Variants in UBA6 observed in about 807,000 individuals in gnomAD.
UBA6 encodes the protein ubiquitin like modifier activating enzyme 6.
Under a neutral mutation model 148.3 loss-of-function variants are expected in UBA6, and 87 were observed. The ratio of observed to expected loss-of-function variants is 0.59; its 90% CI spans 0.49 to 0.70. The LOEUF (loss-of-function observed/expected upper bound fraction) is 0.70. UBA6 is among the 30% of genes least tolerant of loss of function. UBA6 has a pLI of 0.00. For missense variants in UBA6, 1,186 were observed against 1,241.2 expected (o/e 0.96, Z 0.67); for synonymous variants, 376 against 401.0 (o/e 0.94, Z 0.75).
chr4:67,654,226 A>G (rs886467106), intron 13 of UBA6, among the ~76,000 whole-genome samples: 3 of 152,180 alleles, frequency 2.0e-5, no homozygotes, highest in African/African-American at 7.2e-5. Flanking sequence ...ACCCCAAGAC[A>G]CATAATTGTC....
intron 23 of UBA6, 99 bp from the exon 24 acceptor site, chr4:67,632,007 CAT>C (rs563883923): frequency 7.9e-4 from 892 of 1,127,662 alleles, no homozygotes; most frequent in African/African-American, 1.7e-3. Flanking sequence ...AATATATGCA[CAT>C]GATTCAAAAA....
In UBA6 at chr4:67,637,802, G is replaced by A. The variant is rs1039873552; in HGVS notation, c.1736+1141C>T. Among the ~76,000 whole-genome samples, 5 of 152,142 alleles carry A rather than the reference G, an allele frequency of 3.3e-5. No individual in the cohort carries two copies. In the South Asian group the frequency reaches 6.2e-4, roughly 19 times the overall value. Reference sequence around the variant, plus strand: ...AAGTACCCAGGGACACAAACACTGCGGTAGGCCACAGGGTCCTCTGCCTAG... The same window carrying A: ...AAGTACCCAGGGACACAAACACTGCAGTAGGCCACAGGGTCCTCTGCCTAG... On this transcript the variant is annotated intron_variant, in intron 19 of 32. Transcript: ENST00000322244.
At chr4:67,685,591 G>A (rs796918009) in intron 2 of UBA6, among the ~76,000 whole-genome samples, 16 of 152,286 alleles carry the variant, frequency 1.1e-4, no homozygotes, top group African/African-American at 3.6e-4. Context: ...CACTTTGAAT[G>A]TGTTTCCCGG....
intron 13 of UBA6, among the ~76,000 whole-genome samples, chr4:67,661,131 T>C (rs1729841133): frequency 1.3e-5 from 2 of 152,178 alleles, no homozygotes; most frequent in Admixed American, 1.3e-4. Context: ...GGACTTGCCT[T>C]GCTCAGATAA....
intron 2 of UBA6, among the ~76,000 whole-genome samples, chr4:67,694,737 G>A (rs896916140): frequency 6.6e-6 from 1 of 152,182 alleles, no homozygotes; most frequent in African/African-American, 2.4e-5. Context: ...TATGTAGTCA[G>A]TAACTCTTTT....
intron 15 of UBA6, 104 bp from the exon 16 acceptor site, chr4:67,646,120 T>G (rs1390912187): frequency 3.5e-6 from 2 of 575,712 alleles, no homozygotes; most frequent in African/African-American, 3.8e-5. Context: ...GGAAATATTC[T>G]TTAAAAGTTT....
chr4:67,630,604 A>T, intron 25 of UBA6, 69 bp from the exon 26 acceptor site: 4 of 929,182 alleles, frequency 4.3e-6, no homozygotes, highest in Middle Eastern at 5.3e-4. Flanking sequence ...ACTCATTATG[A>T]ACTATAGCCT....
At chr4:67,680,639 C>T (rs904832999) in intron 4 of UBA6, among the ~76,000 whole-genome samples, 3 of 152,292 alleles carry the variant, frequency 2.0e-5, no homozygotes, top group Middle Eastern at 3.4e-3. Flanking sequence ...CTGTGGTAGA[C>T]AGGCTTTTAA....
At position 67,678,484 on chromosome 4, in the gene UBA6, G is replaced by C. The variant is rs199855808; in HGVS notation, c.308C>G (p.Thr103Ser). The C allele has an allele frequency of 5.0e-6, 8 of 1,599,712 alleles. No homozygotes were observed. The Admixed American group carries it at 1.2e-4, about 24-fold the overall frequency. Residue 103 changes from threonine (T) to serine (S), a missense_variant, in exon 5 of 33, where the codon ACC becomes AGC. Physicochemically the swap from Thr to Ser is moderately conservative, Grantham distance 58 (BLOSUM62 1). Coordinates refer to ENST00000322244, the MANE Select transcript of UBA6 (RefSeq NM_018227.6). Reference protein sequence around the residue: ...TEKCQAWDLGTNFFLSEDDVV... With the variant: ...TEKCQAWDLGSNFFLSEDDVV... The stretch of plus-strand genomic sequence containing the variant: ...ATCATCTTCACTGAGAAAGAAGTTG[G>C]TTCCTAGATCCCATGCTTGGCATTT...
intron 16 of UBA6, among the ~76,000 whole-genome samples, chr4:67,645,660 A>C (rs1379405552): frequency 6.6e-6 from 1 of 152,142 alleles, no homozygotes; most frequent in Non-Finnish European, 1.5e-5. Context: ...GAAAAAAATT[A>C]AAAACCCACC....
At chr4:67,669,139 G>A (rs545059415) in intron 8 of UBA6, among the ~76,000 whole-genome samples, 37 of 152,248 alleles carry the variant, frequency 2.4e-4, no homozygotes, top group African/African-American at 8.9e-4. Context: ...GAAATATTGT[G>A]TAGCTTATCA....
chr4:67,680,230 A>T lies in UBA6; in HGVS notation c.258+1333T>A, dbSNP rs947412936. ...TAATAAATGAGAAAAGAATGATAAAACATCATCACTGCCCCTAATGAAATA... is the reference window on the plus strand; with the variant it reads ...TAATAAATGAGAAAAGAATGATAAATCATCATCACTGCCCCTAATGAAATA... On this transcript the variant is annotated intron_variant, in intron 4 of 32. Coordinates refer to ENST00000322244, the MANE Select transcript of UBA6 (RefSeq NM_018227.6). Among the ~76,000 whole-genome samples, 3 of 152,324 alleles carry T rather than the reference A, an allele frequency of 2.0e-5. No homozygotes were observed. In the South Asian group the frequency reaches 6.2e-4, roughly 32 times the overall value.
rs1051039722 is a variant in UBA6 at position 67,642,884 on chromosome 4, C to T, written c.1477-1656G>A. Among the ~76,000 whole-genome samples the T allele has an allele frequency of 5.3e-5, 8 of 151,878 alleles. No homozygotes were observed. The East Asian group carries it at 9.6e-4, about 18-fold the overall frequency. On this transcript the variant is annotated intron_variant, in intron 17 of 32. Transcript: ENST00000322244. Reference sequence around the variant, plus strand: ...CTAGACCTATGTTGGACCTTGCAAACGCACTTCTTTCATTAAAAAAGGATA... The same window carrying T: ...CTAGACCTATGTTGGACCTTGCAAATGCACTTCTTTCATTAAAAAAGGATA...
At chr4:67,663,786 A>G (rs1311816728) in intron 11 of UBA6, 99 bp downstream of exon 11, 1 of 1,006,164 alleles carries the variant, frequency 9.9e-7, no homozygotes, top group Admixed American at 1.8e-5. Flanking sequence ...CCCGACAGCC[A>G]GATACCTACA....
chr4:67,684,543 A>G (rs1730513755), intron 2 of UBA6, among the ~76,000 whole-genome samples: 1 of 152,232 alleles, frequency 6.6e-6, no homozygotes, highest in African/African-American at 2.4e-5. Flanking sequence ...AGATATCACA[A>G]TCTGTGTAAC....
intron 32 of UBA6, among the ~76,000 whole-genome samples, chr4:67,619,839 T>C (rs1728712439): frequency 1.3e-5 from 2 of 152,104 alleles, no homozygotes; most frequent in African/African-American, 4.8e-5. Context: ...ACTACTGCCT[T>C]AAATGAAGTC....
chr4:67,678,920 A>G (rs1420635057), intron 4 of UBA6, among the ~76,000 whole-genome samples: 1 of 152,194 alleles, frequency 6.6e-6, no homozygotes, highest in East Asian at 1.9e-4. Flanking sequence ...CATCTCAAAG[A>G]CACACTGGGA....
intron 6 of UBA6, among the ~76,000 whole-genome samples, chr4:67,674,877 T>A (rs1267970195): frequency 6.6e-6 from 1 of 152,156 alleles, no homozygotes; most frequent in Non-Finnish European, 1.5e-5. Context: ...TTTGGGTTTT[T>A]TTTTTGAGAC....
intron 1 of UBA6, among the ~76,000 whole-genome samples, chr4:67,699,476 C>A (rs1268497623): frequency 6.6e-6 from 1 of 152,156 alleles, no homozygotes; most frequent in Non-Finnish European, 1.5e-5. Flanking sequence ...AAACTGATTC[C>A]AATTACCAAG....
Sources: gnomAD v4.1 joint callset for allele counts (sites outside exome capture counted in the v4.1 genomes callset) on GRCh38, gnomAD v4.1.1 for gene constraint, MANE v1.5 for transcripts, NCBI Gene and HGNC (gene_info 2026-07-23, HGNC 2026-07-21) for gene names.